Variants in KIF1B observed in about 807,000 individuals in gnomAD.
KIF1B encodes the protein kinesin-like protein KIF1B.
Under a neutral mutation model 241.9 loss-of-function variants are expected in KIF1B, and 76 were observed. The observed-to-expected ratio is 0.31, with a 90% CI of 0.26 to 0.38. The LOEUF is 0.38. Among genes scored for constraint, KIF1B ranks in the 10% least tolerant of loss-of-function variants. The pLI is 1.00. For synonymous variants in KIF1B, 750 were observed against 796.7 expected (o/e 0.94, Z 0.99); for missense variants, 1,622 against 2,271.4 (o/e 0.71, Z 5.81).
At chr1:10,290,555 C>T (rs1009903386) in intron 15 of KIF1B, among the ~76,000 whole-genome samples, 4 of 151,708 alleles carry the variant, frequency 2.6e-5, no homozygotes, top group Admixed American at 6.6e-5. Flanking sequence ...GATCTCGGCT[C>T]GCTGCAAGCT....
intron 1 of KIF1B, among the ~76,000 whole-genome samples, chr1:10,224,036 C>T (rs1380886408): frequency 1.3e-5 from 2 of 152,152 alleles, no homozygotes; most frequent in East Asian, 3.9e-4. Context: ...CTCCTGAGCT[C>T]AAGCCATCTG....
At chr1:10,211,550 A>C (rs948541962) in intron 1 of KIF1B, 1 of 152,264 alleles carries the variant, frequency 6.6e-6, no homozygotes, top group African/African-American at 2.4e-5. Context: ...GTTGGAAGGC[A>C]CCGAGTGACA....
chr1:10,358,954 T>A (rs192737595), intron 38 of KIF1B, among the ~76,000 whole-genome samples: 141 of 152,316 alleles, frequency 9.3e-4, no homozygotes, highest in South Asian at 3.5e-3. Context: ...TTTCTCTATC[T>A]TCTGTGTCTT....
At chr1:10,360,144 T>C (rs1400050878) in intron 38 of KIF1B, among the ~76,000 whole-genome samples, 1 of 152,200 alleles carries the variant, frequency 6.6e-6, no homozygotes, top group East Asian at 1.9e-4. Flanking sequence ...TCTGTGGTGT[T>C]TCTGAGGCCC....
chr1:10,259,296 G>A (rs969393812), intron 4 of KIF1B, among the ~76,000 whole-genome samples: 1 of 151,444 alleles, frequency 6.6e-6, no homozygotes, highest in Non-Finnish European at 1.5e-5. Context: ...AAAGACATAA[G>A]TATTTAAAAA....
intron 16 of KIF1B, 147 bp downstream of exon 16, chr1:10,291,308 A>G (rs542021222): frequency 3.1e-6 from 2 of 637,214 alleles, no homozygotes; most frequent in East Asian, 5.6e-5. Context: ...ACAGGGATTT[A>G]TGGCCAGTTG....
intron 22 of KIF1B, chr1:10,304,889 T>C: frequency 7.3e-7 from 1 of 1,363,988 alleles, no homozygotes; most frequent in Middle Eastern, 2.8e-4. Context: ...TTCTGAAACG[T>C]TCCTCCTTTT....
chr1:10,253,996 G>T (rs1647615270), intron 2 of KIF1B, among the ~76,000 whole-genome samples: 1 of 152,186 alleles, frequency 6.6e-6, no homozygotes, highest in Admixed American at 6.5e-5. Context: ...TTTTAATCCT[G>T]ATCTCACTGA....
intron 4 of KIF1B, among the ~76,000 whole-genome samples, chr1:10,258,912 A>G (rs1647951530): frequency 6.6e-6 from 1 of 152,208 alleles, no homozygotes; most frequent in Admixed American, 6.5e-5. Flanking sequence ...TTTGCCATAT[A>G]TCCAATGCCA....
intron 1 of KIF1B, among the ~76,000 whole-genome samples, chr1:10,215,187 T>A (rs1646752284): frequency 7.6e-6 from 1 of 131,212 alleles, no homozygotes; most frequent in Admixed American, 7.7e-5. Flanking sequence ...TTTTTTTTTT[T>A]TTTTTTGAGA....
rs1651467920 is a variant in KIF1B, at chr1:10,320,260, A to G, written c.2209+124A>G. 7.5e-6 allele frequency: 5 copies of G among 669,664 alleles called. 1 individual carries two copies. The South Asian group carries it at 7.5e-5, about 10-fold the overall frequency. 41.5% of individuals were successfully genotyped at this position (669,664 alleles called of 1,614,324 possible). A position where few individuals can be genotyped will look rare whatever the true frequency, so the allele number is the denominator to read the frequency against. Reference sequence around the variant, plus strand: ...TGGCCCTATCATTTATTGACATTTTACTGAGCCAGTTTACAGATGATTGAA... The same window carrying G: ...TGGCCCTATCATTTATTGACATTTTGCTGAGCCAGTTTACAGATGATTGAA... On this transcript the variant is annotated intron_variant, in intron 23 of 48. Coordinates refer to ENST00000676179, the MANE Select transcript of KIF1B (RefSeq NM_001365951.3).
intron 15 of KIF1B, among the ~76,000 whole-genome samples, chr1:10,290,790 A>C (rs898024677): frequency 2.3e-4 from 35 of 150,320 alleles, no homozygotes; most frequent in African/African-American, 8.3e-4. Flanking sequence ...GAATCACTTG[A>C]TCCCCAGAGG....
intron 1 of KIF1B, among the ~76,000 whole-genome samples, chr1:10,229,466 C>G (rs971481518): frequency 6.6e-6 from 1 of 152,090 alleles, no homozygotes; most frequent in East Asian, 1.9e-4. Context: ...TCTGAGCATT[C>G]TGGTGGTAGA....
At chr1:10,329,434 T>C (rs1651838625) in intron 27 of KIF1B, among the ~76,000 whole-genome samples, 2 of 152,332 alleles carry the variant, frequency 1.3e-5, no homozygotes, top group South Asian at 4.1e-4. Flanking sequence ...ATAAATCACT[T>C]GTAAAATTTT....
intron 43 of KIF1B, among the ~76,000 whole-genome samples, chr1:10,368,253 T>G (rs562858621): frequency 1.3e-5 from 2 of 152,172 alleles, no homozygotes; most frequent in African/African-American, 4.8e-5. Flanking sequence ...GGTTTTTGTT[T>G]GTTTGTTTTT....
intron 3 of KIF1B, among the ~76,000 whole-genome samples, chr1:10,257,708 C>T (rs1215130034): frequency 2.0e-5 from 3 of 151,900 alleles, no homozygotes; most frequent in African/African-American, 4.8e-5. Context: ...CTGAGTCTCG[C>T]TCTGTTGCCT....
chr1:10,222,115 A>T (rs1014297903), intron 1 of KIF1B, among the ~76,000 whole-genome samples: 13 of 152,236 alleles, frequency 8.5e-5, no homozygotes, highest in Non-Finnish European at 1.5e-5. Flanking sequence ...TGGGAAAGTG[A>T]GGAATCAGTC....
chr1:10,375,557 G>A (rs571273311), intron 48 of KIF1B, among the ~76,000 whole-genome samples, 184 bp downstream of exon 48: 9 of 151,898 alleles, frequency 5.9e-5, no homozygotes, highest in East Asian at 3.9e-4. Context: ...GCTAATTTTC[G>A]TATTTTTTGT....
intron 40 of KIF1B, 44 bp from the exon 41 acceptor site, chr1:10,363,239 T>A (rs1427305041): frequency 6.8e-7 from 1 of 1,473,208 alleles, no homozygotes; most frequent in African/African-American, 1.4e-5. Context: ...TTCCTGTTTT[T>A]GTGCTTTAAG....
Sources: gnomAD v4.1 joint callset for allele counts (sites outside exome capture counted in the v4.1 genomes callset) on GRCh38, gnomAD v4.1.1 for gene constraint, MANE v1.5 for transcripts, NCBI Gene and HGNC (gene_info 2026-07-23, HGNC 2026-07-21) for gene names.